Variants in LURAP1L observed in about 807,000 individuals in gnomAD.
LURAP1L encodes leucine rich adaptor protein 1-like.
LURAP1L carries 12 observed loss-of-function variants against 13.8 expected under a neutral mutation model. That is an observed-to-expected ratio of 0.87 (90% CI 0.56 to 1.41). The LOEUF (loss-of-function observed/expected upper bound fraction) is 1.41, where lower values mean the gene tolerates loss of function less well. Ranked by LOEUF, LURAP1L falls within the 40% of genes most tolerant of loss-of-function variation. LURAP1L has a pLI of 0.00. For missense variants in LURAP1L, 375 were observed against 292.9 expected, an observed-to-expected ratio of 1.28 and a Z score of -2.04; for synonymous variants, 139 against 119.2, an observed-to-expected ratio of 1.17 and a Z score of -1.08.
At chr9:12,792,765 T>C (rs1819459379) in intron 1 of LURAP1L, among the ~76,000 whole-genome samples, 1 of 152,126 alleles carries the variant, frequency 6.6e-6, no homozygotes, top group Non-Finnish European at 1.5e-5. Context: ...TTTTCTTGAA[T>C]CTGGCTATGA....
intron 1 of LURAP1L, among the ~76,000 whole-genome samples, chr9:12,802,641 T>C (rs992814570): frequency 5.9e-5 from 9 of 152,262 alleles, no homozygotes; most frequent in East Asian, 3.9e-4. Context: ...TATAGCAACA[T>C]GAGAGCAGAC....
intron 1 of LURAP1L, among the ~76,000 whole-genome samples, chr9:12,781,637 C>T (rs1209879626): frequency 6.6e-6 from 1 of 152,136 alleles, no homozygotes; most frequent in Non-Finnish European, 1.5e-5. Flanking sequence ...GTACGTACAA[C>T]ATTTTCTTTA....
chr9:12,815,737 G>A (rs1819796381), intron 1 of LURAP1L, among the ~76,000 whole-genome samples: 1 of 152,090 alleles, frequency 6.6e-6, no homozygotes, highest in Admixed American at 6.6e-5. Context: ...TGCTATCCAA[G>A]GCTCCAGAAA....
intron 1 of LURAP1L, among the ~76,000 whole-genome samples, chr9:12,819,638 G>T (rs1477594922): frequency 6.6e-6 from 1 of 152,106 alleles, no homozygotes; most frequent in African/African-American, 2.4e-5. Context: ...TAACCCAACT[G>T]GAGGGACAGA....
In LURAP1L at chr9:12,807,001, A is replaced by G. The variant is rs561608861; in HGVS notation, c.313-14385A>G. ...GCGCCACTGCACTCCAGCCTGGGCGACAGAGCCAGACTCCGTCTCAAAAAA... is the reference window on the plus strand; with the variant it reads ...GCGCCACTGCACTCCAGCCTGGGCGGCAGAGCCAGACTCCGTCTCAAAAAA... On this transcript the variant is annotated intron_variant, in intron 1 of 1. Coordinates refer to ENST00000319264, the MANE Select transcript of LURAP1L (RefSeq NM_203403.2). 1.7e-3 allele frequency among the ~76,000 whole-genome samples: 233 copies of G among 136,210 alleles called. 7 individuals are homozygous for G. The South Asian group carries it at 0.056, about 33-fold the overall frequency. The allele number at this position is 136,210 out of a possible 152,430, so 89.4% of individuals were successfully genotyped here.
intron 1 of LURAP1L, among the ~76,000 whole-genome samples, chr9:12,801,573 G>C (rs1343259809): frequency 6.6e-6 from 1 of 152,006 alleles, no homozygotes; most frequent in Non-Finnish European, 1.5e-5. Flanking sequence ...AATTTAAAAA[G>C]AAAATATTGC....
intron 1 of LURAP1L, among the ~76,000 whole-genome samples, chr9:12,776,540 C>T (rs1819187291): frequency 6.6e-6 from 1 of 152,076 alleles, no homozygotes; most frequent in Admixed American, 6.5e-5. Context: ...CCGCTCCGCC[C>T]TCCTGCCCTC....
intron 1 of LURAP1L, among the ~76,000 whole-genome samples, chr9:12,778,649 A>T (rs1297083203): frequency 1.3e-5 from 2 of 152,192 alleles, no homozygotes; most frequent in Non-Finnish European, 2.9e-5. Flanking sequence ...TACTCTCTGT[A>T]GAGACGATGT....
At chr9:12,780,023 C>A (rs1819247727) in intron 1 of LURAP1L, among the ~76,000 whole-genome samples, 1 of 152,160 alleles carries the variant, frequency 6.6e-6, no homozygotes, top group Non-Finnish European at 1.5e-5. Context: ...TAAAGGTTCT[C>A]CTGACACGAC....
intron 1 of LURAP1L, among the ~76,000 whole-genome samples, chr9:12,805,412 A>G (rs1333475371): frequency 6.6e-6 from 1 of 152,182 alleles, no homozygotes; most frequent in Non-Finnish European, 1.5e-5. Flanking sequence ...AATACTAAAT[A>G]TGGTAAATAG....
intron 1 of LURAP1L, among the ~76,000 whole-genome samples, chr9:12,811,057 A>C (rs1386639913): frequency 2.0e-5 from 3 of 152,212 alleles, no homozygotes; most frequent in Non-Finnish European, 2.9e-5. Context: ...AACCTGTGAA[A>C]AAGAATTAAC....
At chr9:12,808,019 T>C (rs530079688) in intron 1 of LURAP1L, among the ~76,000 whole-genome samples, 1 of 152,194 alleles carries the variant, frequency 6.6e-6, no homozygotes, top group South Asian at 2.1e-4. Context: ...TTGTCTCTTA[T>C]AAAATGACTA....
intron 1 of LURAP1L, among the ~76,000 whole-genome samples, chr9:12,800,866 G>C (rs1819576709): frequency 6.6e-6 from 1 of 152,074 alleles, no homozygotes; most frequent in Non-Finnish European, 1.5e-5. Context: ...AGTAATGTGA[G>C]AACAGACTAA....
chr9:12,780,905 C>T (rs1405932803), intron 1 of LURAP1L, among the ~76,000 whole-genome samples: 1 of 152,092 alleles, frequency 6.6e-6, no homozygotes, highest in Non-Finnish European at 1.5e-5. Context: ...AATCCATGAG[C>T]TCAGCCATTT....
intron 1 of LURAP1L, among the ~76,000 whole-genome samples, chr9:12,786,581 T>TATATATATATATATATAAC (rs61134838): frequency 3.3e-5 from 4 of 121,422 alleles, no homozygotes; most frequent in Non-Finnish European, 7.2e-5. Flanking sequence ...TATATATATA[T>TATATATATATATATATAAC]AAACCCTTGT....
chr9:12,788,073 A>T (rs765520487), intron 1 of LURAP1L, among the ~76,000 whole-genome samples: 8 of 151,624 alleles, frequency 5.3e-5, no homozygotes, highest in Non-Finnish European at 1.2e-4. Context: ...CGTGGCACCA[A>T]TGCTTTCCAG....
intron 1 of LURAP1L, among the ~76,000 whole-genome samples, chr9:12,804,543 A>G (rs948549920): frequency 5.3e-5 from 8 of 152,102 alleles, no homozygotes; most frequent in African/African-American, 1.9e-4. Context: ...GAGTTTCACT[A>G]TGTTGGCCAG....
intron 1 of LURAP1L, among the ~76,000 whole-genome samples, chr9:12,821,002 C>G (rs1259654223): frequency 1.3e-5 from 2 of 152,138 alleles, no homozygotes; most frequent in Non-Finnish European, 2.9e-5. Flanking sequence ...GTTCACCTTC[C>G]TTTTCTCCCC....
Position 12,775,414 on chromosome 9 carries a change from A to C in LURAP1L, c.-302A>C. 2.9e-6 allele frequency: 1 copy of C among 345,460 alleles called. No individual in the cohort carries two copies. The highest frequency in any genetic ancestry group is 5.1e-6 in the Non-Finnish European group (1 of 194,628). 21.4% of individuals were successfully genotyped at this position (345,460 alleles called of 1,614,324 possible). On this transcript the variant is annotated 5_prime_UTR_variant, in exon 1 of 2. Coordinates refer to ENST00000319264, the MANE Select transcript of LURAP1L (RefSeq NM_203403.2). Reference sequence around the variant, plus strand: ...CCTCTTTATTCCCCCTCTGTCTGCAATATCAGTGAACTCAACTTTGCAGTG... The same window carrying C: ...CCTCTTTATTCCCCCTCTGTCTGCACTATCAGTGAACTCAACTTTGCAGTG...
Sources: gnomAD v4.1 joint callset for allele counts (sites outside exome capture counted in the v4.1 genomes callset) on GRCh38, gnomAD v4.1.1 for gene constraint, MANE v1.5 for transcripts, NCBI Gene and HGNC (gene_info 2026-07-23, HGNC 2026-07-21) for gene names.